Variants in GRID1 observed in about 807,000 individuals in gnomAD.
GRID1 encodes the protein glutamate receptor ionotropic, delta-1.
Under a neutral mutation model 98.0 loss-of-function variants are expected in GRID1, and 28 were observed. The ratio of observed to expected loss-of-function variants is 0.29; its 90% CI spans 0.21 to 0.39. The LOEUF (loss-of-function observed/expected upper bound fraction) is 0.39, where lower values mean the gene tolerates loss of function less well. Ranked by LOEUF, GRID1 falls within the 10% of genes least tolerant of loss-of-function variation. GRID1 has a pLI of 1.00. For missense variants in GRID1, 1,111 were observed against 1,340.5 expected (o/e 0.83, Z 2.67); for synonymous variants, 553 against 538.5 (o/e 1.03, Z -0.37).
At chr10:86,086,081 G>C (rs1004094606) in intron 4 of GRID1, among the ~76,000 whole-genome samples, 4 of 152,000 alleles carry the variant, frequency 2.6e-5, no homozygotes, top group African/African-American at 9.7e-5. Flanking sequence ...GCTGACCTAT[G>C]CTCTTCCTTC....
chr10:86,212,612 G>A (rs1846122567), intron 2 of GRID1, among the ~76,000 whole-genome samples: 1 of 152,194 alleles, frequency 6.6e-6, no homozygotes, highest in African/African-American at 2.4e-5. Flanking sequence ...TGCTCCACGA[G>A]CCACCTCGTT....
intron 4 of GRID1, among the ~76,000 whole-genome samples, chr10:86,038,316 C>T (rs2131897302): frequency 6.6e-6 from 1 of 152,292 alleles, no homozygotes; most frequent in Non-Finnish European, 1.5e-5. Context: ...ATGATTGGCT[C>T]CCATGAACAG....
At chr10:85,907,435 A>G (rs1841478153) in intron 5 of GRID1, among the ~76,000 whole-genome samples, 1 of 152,188 alleles carries the variant, frequency 6.6e-6, no homozygotes, top group African/African-American at 2.4e-5. Context: ...TTGACAACTT[A>G]GATGAAACGG....
intron 8 of GRID1, among the ~76,000 whole-genome samples, chr10:85,824,432 G>T (rs1389595354): frequency 6.6e-6 from 1 of 152,258 alleles, no homozygotes; most frequent in East Asian, 1.9e-4. Context: ...GGCTAGTCTC[G>T]AATTCCTGGC....
intron 8 of GRID1, among the ~76,000 whole-genome samples, chr10:85,775,894 A>C (rs991778444): frequency 3.3e-5 from 5 of 152,166 alleles, no homozygotes; most frequent in Admixed American, 3.3e-4. Flanking sequence ...CAGGACTTTC[A>C]CTATATAATA....
chr10:86,141,997 G>A (rs1466215770), intron 3 of GRID1, among the ~76,000 whole-genome samples: 2 of 152,266 alleles, frequency 1.3e-5, no homozygotes, highest in Non-Finnish European at 2.9e-5. Context: ...CTTTGACTAT[G>A]GGACAGTAGT....
intron 12 of GRID1, among the ~76,000 whole-genome samples, chr10:85,694,387 G>A (rs1366470613): frequency 6.6e-6 from 1 of 151,550 alleles, no homozygotes; most frequent in African/African-American, 2.4e-5. Flanking sequence ...AAGAACTAAG[G>A]ATAGAACTAC....
At chr10:85,637,646 T>A (rs1356925005) in intron 13 of GRID1, among the ~76,000 whole-genome samples, 1 of 152,232 alleles carries the variant, frequency 6.6e-6, no homozygotes, top group East Asian at 1.9e-4. Flanking sequence ...AACTGCTTTT[T>A]CCTGCCTCTC....
rs1490683305 is a variant in GRID1 at position 85,627,010 on chromosome 10, TTAAAC to T, written c.2194-6982_2194-6978del. ...AGAGATTTTTTCAGGGCTACACTGT[TTAAAC>T]TAGTCAGAAGTTGGAAGCAACCTAA... On this transcript the variant is annotated intron_variant, in intron 13 of 15. Coordinates refer to ENST00000327946, the MANE Select transcript of GRID1 (RefSeq NM_017551.3). Among the ~76,000 whole-genome samples the T allele has an allele frequency of 3.3e-5, 5 of 152,248 alleles. No individual in the cohort carries two copies. The South Asian group carries it at 1.0e-3, about 31-fold the overall frequency.
chr10:86,162,370 G>A (rs1442978782), intron 3 of GRID1, among the ~76,000 whole-genome samples: 2 of 152,070 alleles, frequency 1.3e-5, no homozygotes, highest in Non-Finnish European at 2.9e-5. Flanking sequence ...CAGGGAACAG[G>A]AAGAAGAGCC....
intron 8 of GRID1, among the ~76,000 whole-genome samples, chr10:85,742,818 G>C (rs1411784976): frequency 1.3e-5 from 2 of 152,106 alleles, no homozygotes; most frequent in African/African-American, 4.8e-5. Flanking sequence ...GTATGTCTTT[G>C]GGACTAGGTC....
At chr10:85,751,698 A>T (rs1329995123) in intron 8 of GRID1, among the ~76,000 whole-genome samples, 1 of 152,206 alleles carries the variant, frequency 6.6e-6, no homozygotes, top group East Asian at 1.9e-4. Flanking sequence ...AATATTATAC[A>T]TGTGTGCACA....
intron 8 of GRID1, among the ~76,000 whole-genome samples, chr10:85,828,984 A>T (rs1486427279): frequency 6.6e-6 from 1 of 152,136 alleles, no homozygotes; most frequent in Non-Finnish European, 1.5e-5. Flanking sequence ...CTAATACCAA[A>T]ACCTAGCAGA....
At chr10:86,081,529 A>T (rs1386845861) in intron 4 of GRID1, among the ~76,000 whole-genome samples, 1 of 152,234 alleles carries the variant, frequency 6.6e-6, no homozygotes, top group Non-Finnish European at 1.5e-5. Context: ...CTCTGCCCTC[A>T]TCATTCCCGT....
intron 8 of GRID1, among the ~76,000 whole-genome samples, chr10:85,820,711 TATTATACC>T (rs1169330706): frequency 1.3e-5 from 2 of 152,212 alleles, no homozygotes; most frequent in Non-Finnish European, 2.9e-5. Flanking sequence ...AAGATACCAC[TATTATACC>T]ATTATACCAT....
chr10:86,019,652 G>C (rs1843024181), intron 4 of GRID1, among the ~76,000 whole-genome samples: 1 of 152,264 alleles, frequency 6.6e-6, no homozygotes, highest in South Asian at 2.1e-4. Flanking sequence ...GTCTTTCACA[G>C]ATTAAGAAGC....
intron 2 of GRID1, among the ~76,000 whole-genome samples, chr10:86,341,540 G>A (rs1041596028): frequency 6.6e-6 from 1 of 152,210 alleles, no homozygotes; most frequent in African/African-American, 2.4e-5. Flanking sequence ...CTTTCCCTCA[G>A]CCTGAGCACT....
chr10:86,138,936 G>A lies in GRID1; in HGVS notation c.609C>T (p.His203=), dbSNP rs141646807. The A allele has an allele frequency of 1.1e-4, 173 of 1,613,614 alleles. No homozygotes were observed. Among genetic ancestry groups the A allele is most frequent in the Admixed American group, 1.5e-4 (9 of 60,008 alleles). The change falls in exon 4 of 16, where the codon CAC becomes CAT. Residue 203 remains histidine, a synonymous_variant. Transcript: ENST00000327946. ...TCGTGGTGAAGAGGCTGGTGAATAC[G>A]TGGCTAATGTTCTTGTCCACCTTTT... ...SLQKVDKNIS[H]VFTSLFTTMK... is the part of the protein sequence containing the mutation.
At position 86,080,384 on chromosome 10, in the gene GRID1, A is replaced by AAGGGAAGGGAAGGGAAGGGG. The variant is rs1453164544; in HGVS notation, c.726+58434_726+58435insCCCCTTCCCTTCCCTTCCCT. ...AAAAAGAGAGAGAAAAAGGAAAGGA[A>AAGGGAAGGGAAGGGAAGGGG]AGGGAAGGGAAGGGAAGGGAAGGGA... is the stretch of plus-strand genomic sequence containing the variant. On this transcript the variant is annotated intron_variant, in intron 4 of 15. Coordinates refer to ENST00000327946, the MANE Select transcript of GRID1 (RefSeq NM_017551.3). Among the ~76,000 whole-genome samples, 13 of 19,878 alleles carry AAGGGAAGGGAAGGGAAGGGG rather than the reference A, an allele frequency of 6.5e-4. 1 individual carries two copies. The East Asian group carries it at 0.035, about 54-fold the overall frequency. 13.0% of individuals were successfully genotyped at this position (19,878 alleles called of 152,430 possible). A position where few individuals can be genotyped will look rare whatever the true frequency, so the allele number is the denominator to read the frequency against.
Sources: gnomAD v4.1 joint callset for allele counts (sites outside exome capture counted in the v4.1 genomes callset) on GRCh38, gnomAD v4.1.1 for gene constraint, MANE v1.5 for transcripts, NCBI Gene and HGNC (gene_info 2026-07-23, HGNC 2026-07-21) for gene names.